Variants in CHD2 observed in about 807,000 individuals in gnomAD.
CHD2 encodes ATP-dependent chromatin remodeler CHD2.
CHD2 carries 28 observed loss-of-function variants against 243.9 expected under a neutral mutation model. That is an observed-to-expected ratio of 0.11 (90% CI 0.09 to 0.16). CHD2 has a LOEUF of 0.16. Ranked by LOEUF, CHD2 falls within the 10% of genes least tolerant of loss-of-function variation. The pLI is 1.00. For synonymous variants in CHD2, 775 were observed against 779.0 expected (o/e 0.99, Z 0.09); for missense variants, 1,386 against 2,209.8 (o/e 0.63, Z 7.47).
At chr15:93,007,796 A>C (rs2054340261) in intron 34 of CHD2, among the ~76,000 whole-genome samples, 1 of 152,094 alleles carries the variant, frequency 6.6e-6, no homozygotes, top group Non-Finnish European at 1.5e-5. Context: ...TAAGTTGTTC[A>C]TTTCTGCTTT....
At chr15:93,003,123 AACAAGCAAAAATCT>A (rs1328837676) in intron 33 of CHD2, among the ~76,000 whole-genome samples, 8 of 152,122 alleles carry the variant, frequency 5.3e-5, no homozygotes, top group African/African-American at 1.9e-4. Flanking sequence ...ACAAAATAAA[AACAAGCAAAAATCT>A]AGCTGGGCAT....
chr15:92,967,087 C>G (rs1370368415), intron 16 of CHD2, among the ~76,000 whole-genome samples: 1 of 152,132 alleles, frequency 6.6e-6, no homozygotes, highest in East Asian at 1.9e-4. Context: ...ACATGATAGA[C>G]TGAAGTATTT....
intron 2 of CHD2, among the ~76,000 whole-genome samples, chr15:92,909,252 C>T (rs1264838862): frequency 6.6e-5 from 10 of 152,150 alleles, no homozygotes; most frequent in Admixed American, 6.5e-4. Context: ...TCCTTACATC[C>T]TTTGGAAGTT....
At chr15:92,967,853 C>A (rs1037818696) in intron 17 of CHD2, among the ~76,000 whole-genome samples, 9 of 151,952 alleles carry the variant, frequency 5.9e-5, no homozygotes, top group African/African-American at 1.5e-4. Context: ...TTTAATAATT[C>A]CTTAACAGTT....
intron 27 of CHD2, among the ~76,000 whole-genome samples, chr15:92,992,252 A>G (rs561391110): frequency 9.8e-5 from 15 of 152,334 alleles, no homozygotes; most frequent in Admixed American, 9.1e-4. Context: ...AAGGCCAAGA[A>G]GGTCAGTTGC....
At chr15:92,912,700 A>AT (rs888416638) in intron 2 of CHD2, among the ~76,000 whole-genome samples, 4 of 150,684 alleles carry the variant, frequency 2.7e-5, no homozygotes, top group African/African-American at 1.0e-4. Context: ...CGCCTGGCTA[A>AT]TTTTTTGTAT....
At chr15:92,960,913 T>C (rs768510232) in intron 16 of CHD2, among the ~76,000 whole-genome samples, 42 of 151,974 alleles carry the variant, frequency 2.8e-4, no homozygotes, top group Middle Eastern at 3.4e-3. Context: ...CAGTGGGGTT[T>C]TGCCATGTCA....
intron 16 of CHD2, among the ~76,000 whole-genome samples, 161 bp from the exon 17 acceptor site, chr15:92,967,164 A>G (rs936501977): frequency 2.0e-5 from 3 of 152,058 alleles, no homozygotes; most frequent in African/African-American, 7.2e-5. Flanking sequence ...GATGGAGTTG[A>G]TTTCATTTTA....
At chr15:92,981,621 G>T (rs189380861) in intron 24 of CHD2, among the ~76,000 whole-genome samples, 164 bp downstream of exon 24, 1 of 152,266 alleles carries the variant, frequency 6.6e-6, no homozygotes, top group African/African-American at 2.4e-5. Flanking sequence ...GTGAATGTAG[G>T]TTCTACAGTC....
In CHD2 at chr15:92,998,555, G is replaced by A. The variant is rs201615046; in HGVS notation, c.3942G>A (p.Ala1314=). 8 of 1,613,824 alleles carry A rather than the reference G, an allele frequency of 5.0e-6. No individual in the cohort carries two copies. The highest frequency in any genetic ancestry group is 1.7e-4 in the Middle Eastern group (1 of 5,886). ...AGGGGAAGCAGCTACAGACCCGAGC[G>A]GATTACTTGTTGAAGCTGCTCAGAA... ...KPQGKQLQTR[A]DYLLKLLRKG... is the part of the protein sequence containing the mutation. The change falls in exon 31 of 39, where the codon GCG becomes GCA. Residue 1314 remains alanine (A), a synonymous_variant. Coordinates refer to ENST00000394196, the MANE Select transcript of CHD2 (RefSeq NM_001271.4). The surrounding 1 kb of genome is among the most constrained non-coding windows in gnomAD (Gnocchi z 5.1).
intron 6 of CHD2, among the ~76,000 whole-genome samples, chr15:92,938,804 G>A (rs1360591629): frequency 6.6e-6 from 1 of 152,128 alleles, no homozygotes; most frequent in Non-Finnish European, 1.5e-5. Flanking sequence ...ATTTCCTTAG[G>A]TGAGCTTCTA....
At chr15:92,932,416 A>G (rs571135734) in intron 5 of CHD2, among the ~76,000 whole-genome samples, 51 of 146,398 alleles carry the variant, frequency 3.5e-4, no homozygotes, top group African/African-American at 1.2e-3. Context: ...TACATTAGGT[A>G]TATCTCCTAA....
intron 37 of CHD2, among the ~76,000 whole-genome samples, chr15:93,019,049 C>G (rs1250753321): frequency 6.6e-6 from 1 of 152,158 alleles, no homozygotes; most frequent in Non-Finnish European, 1.5e-5. Context: ...AAAAGGAAGG[C>G]TACAGAAGTT....
intron 10 of CHD2, 72 bp from the exon 11 acceptor site, chr15:92,945,749 A>G: frequency 1.0e-6 from 1 of 966,116 alleles, no homozygotes; most frequent in Admixed American, 2.8e-5. Flanking sequence ...TTTACATTTT[A>G]TTCATAGAAC....
rs1179668889 is a variant in CHD2 at position 92,905,055 on chromosome 15, GT to G, written c.62+3759del. ...TATATTTAAGATTCACAGTGGGATA[GT>G]TTAGTAGAAAATAGAAAATTTCACG... On this transcript the variant is annotated intron_variant, in intron 2 of 38. Transcript: ENST00000394196. 3.4e-6 allele frequency: 5 copies of G among 1,470,382 alleles called. No individual in the cohort carries two copies. In the African/African-American group the frequency reaches 7.1e-5, roughly 21 times the overall value. 91.1% of individuals were successfully genotyped at this position (1,470,382 alleles called of 1,614,324 possible).
At chr15:93,015,530 A>G (rs866007875) in intron 37 of CHD2, among the ~76,000 whole-genome samples, 5 of 150,220 alleles carry the variant, frequency 3.3e-5, no homozygotes, top group South Asian at 2.1e-4. Flanking sequence ...GAACAAAACA[A>G]TAACTGAATA....
intron 34 of CHD2, among the ~76,000 whole-genome samples, chr15:93,008,623 G>T (rs114836645): frequency 0.014 from 2,150 of 152,092 alleles, 53 homozygotes; most frequent in African/African-American, 0.05. Context: ...TCTTGTCTTT[G>T]TGGGCTTGTC....
intron 37 of CHD2, among the ~76,000 whole-genome samples, chr15:93,016,624 C>T (rs1482044237): frequency 6.6e-6 from 1 of 151,662 alleles, no homozygotes; most frequent in African/African-American, 2.4e-5. Context: ...TCAGTCTCTA[C>T]AAAAGTGTGA....
chr15:92,993,131 G>A, intron 28 of CHD2, 133 bp downstream of exon 28: 1 of 888,342 alleles, frequency 1.1e-6, no homozygotes, highest in East Asian at 2.7e-5. Flanking sequence ...ATTCTGAGCT[G>A]CGTTTCTGTG....
Sources: allele counts gnomAD v4.1 joint callset (sites outside exome capture counted in the v4.1 genomes callset), GRCh38; gene constraint gnomAD v4.1.1; non-coding constraint Gnocchi (gnomAD v3.1); transcripts MANE v1.5; gene names NCBI Gene and HGNC (gene_info 2026-07-23, HGNC 2026-07-21).